IFT43: variants seen among roughly 807,000 people sequenced by gnomAD.
IFT43 encodes the protein intraflagellar transport 43, also known as intraflagellar transport protein 43 homolog.
In IFT43, 33 loss-of-function variants were observed where a neutral mutation model predicts 32.3. The observed-to-expected ratio is 1.02, with a 90% CI of 0.77 to 1.37. IFT43 has a LOEUF of 1.37. IFT43 is among the 40% of genes most tolerant of loss of function. The pLI is 0.00. For synonymous variants in IFT43, 93 were observed against 98.2 expected (o/e 0.95, Z 0.31); for missense variants, 274 against 265.9 (o/e 1.03, Z -0.21).
At chr14:76,045,310 T>C (rs1295216909) in intron 3 of IFT43, among the ~76,000 whole-genome samples, 1 of 152,228 alleles carries the variant, frequency 6.6e-6, no homozygotes, top group Admixed American at 6.5e-5. Context: ...CTTAGAATTC[T>C]TCTCCTCCTG....
At chr14:76,035,777 T>C (rs1464898930) in intron 3 of IFT43, among the ~76,000 whole-genome samples, 1 of 152,248 alleles carries the variant, frequency 6.6e-6, no homozygotes, top group African/African-American at 2.4e-5. Flanking sequence ...TGCCATGTGC[T>C]GCACTGTGGG....
At chr14:76,074,109 C>T (rs999743919) in intron 5 of IFT43, among the ~76,000 whole-genome samples, 2 of 151,982 alleles carry the variant, frequency 1.3e-5, no homozygotes, top group African/African-American at 4.8e-5. Flanking sequence ...AGAATAAAAG[C>T]AGTGTAGTTT....
At chr14:76,047,900 G>C (rs1199644109) in intron 3 of IFT43, among the ~76,000 whole-genome samples, 1 of 152,150 alleles carries the variant, frequency 6.6e-6, no homozygotes, top group Non-Finnish European at 1.5e-5. Flanking sequence ...CCAGAATCAA[G>C]GGGAGGCAGG....
At chr14:76,034,461 A>T (rs140720452) in intron 3 of IFT43, among the ~76,000 whole-genome samples, 2 of 152,292 alleles carry the variant, frequency 1.3e-5, no homozygotes, top group African/African-American at 4.8e-5. Flanking sequence ...TTTTGGGGAG[A>T]CACAAATATT....
chr14:76,044,660 C>A lies in IFT43; in HGVS notation c.216-13982C>A, dbSNP rs190681575. On this transcript the variant is annotated intron_variant, in intron 3 of 8. Coordinates refer to ENST00000314067, the MANE Select transcript of IFT43 (RefSeq NM_001102564.3). The stretch of plus-strand genomic sequence containing the variant: ...TCCTGAGACCATCCAGGAGTCCCCC[C>A]ATTCATCTATCTCCCATCAGTCATT... Among the ~76,000 whole-genome samples, 647 of 152,304 alleles carry A rather than the reference C, an allele frequency of 4.2e-3. 17 individuals carry two copies. The highest frequency in any genetic ancestry group is 0.035 in the Admixed American group (537 of 15,294).
chr14:76,071,708 A>G (rs1350032196), intron 5 of IFT43, among the ~76,000 whole-genome samples: 2 of 152,240 alleles, frequency 1.3e-5, no homozygotes, highest in Non-Finnish European at 2.9e-5. Context: ...GTGAGTTTTG[A>G]GTATTTATTA....
intron 3 of IFT43, among the ~76,000 whole-genome samples, chr14:76,055,681 G>A (rs886409831): frequency 3.9e-5 from 6 of 152,196 alleles, no homozygotes; most frequent in Admixed American, 2.6e-4. Flanking sequence ...AAGTAAATCT[G>A]TGAAATGGGG....
At chr14:76,007,510 C>T (rs1470825788) in intron 2 of IFT43, among the ~76,000 whole-genome samples, 4 of 152,126 alleles carry the variant, frequency 2.6e-5, no homozygotes, top group Non-Finnish European at 5.9e-5. Context: ...CAGCTTGTTC[C>T]AAGTCATTCC....
In IFT43 at chr14:76,081,933, T is replaced by C. The variant is rs115173619; in HGVS notation, c.296-362T>C. Among the ~76,000 whole-genome samples, 570 of 152,368 alleles carry C rather than the reference T, an allele frequency of 3.7e-3. 1 individual carries two copies. Among genetic ancestry groups the C allele is most frequent in the African/African-American group, 0.012 (518 of 41,590 alleles). On this transcript the variant is annotated intron_variant, in intron 5 of 8. Transcript: ENST00000314067. The stretch of plus-strand genomic sequence containing the variant: ...GCCAGGCTCACTTGTCAGTTCCTCT[T>C]CTTTCCTCTAATAAGCCCTTTGTTA...
At chr14:76,021,364 A>T (rs549605486) in intron 2 of IFT43, among the ~76,000 whole-genome samples, 1 of 152,258 alleles carries the variant, frequency 6.6e-6, no homozygotes, top group South Asian at 2.1e-4. Context: ...TTATTTTATT[A>T]CTTTTCGGTT....
chr14:76,020,671 G>C (rs1040497246), intron 2 of IFT43, among the ~76,000 whole-genome samples: 1 of 152,196 alleles, frequency 6.6e-6, no homozygotes, highest in African/African-American at 2.4e-5. Flanking sequence ...TTAGGCTATA[G>C]TTGTTATTGG....
chr14:76,019,434 G>A (rs774038478), intron 2 of IFT43, among the ~76,000 whole-genome samples: 14 of 150,474 alleles, frequency 9.3e-5, no homozygotes, highest in East Asian at 2.0e-4. Flanking sequence ...TTCCTGGCCC[G>A]TAAGGTTTCT....
At chr14:75,994,032 T>G (rs8008180) in intron 2 of IFT43, among the ~76,000 whole-genome samples, 2,974 of 152,040 alleles carry the variant, frequency 0.02, 90 homozygotes, top group African/African-American at 0.064. Flanking sequence ...GGGAGGTGAG[T>G]AGAATGGCTC....
chr14:76,075,669 C>T (rs1294400516), intron 5 of IFT43, among the ~76,000 whole-genome samples: 3 of 152,158 alleles, frequency 2.0e-5, no homozygotes, highest in South Asian at 4.1e-4. Flanking sequence ...GACATAGTGT[C>T]GCAGCAGCTC....
At chr14:76,055,314 C>T (rs2036991298) in intron 3 of IFT43, among the ~76,000 whole-genome samples, 1 of 151,098 alleles carries the variant, frequency 6.6e-6, no homozygotes, top group South Asian at 2.1e-4. Flanking sequence ...ACACTGCACT[C>T]CACTCTGGGC....
intron 1 of IFT43, among the ~76,000 whole-genome samples, chr14:75,988,536 T>G (rs574384596): frequency 2.0e-5 from 3 of 152,172 alleles, no homozygotes; most frequent in Admixed American, 6.5e-5. Flanking sequence ...TGTTTTGTTT[T>G]GAGATGGAGT....
At chr14:76,014,132 G>T in intron 2 of IFT43, 2 of 274,090 alleles carry the variant, frequency 7.3e-6, no homozygotes, top group South Asian at 1.2e-4. Flanking sequence ...GAGGAAAAGC[G>T]ACCCATGGAC....
At chr14:76,077,247 A>C (rs1251539352) in intron 5 of IFT43, among the ~76,000 whole-genome samples, 4 of 152,174 alleles carry the variant, frequency 2.6e-5, no homozygotes, top group African/African-American at 7.2e-5. Flanking sequence ...GCAGCTCTGA[A>C]GGAAGCCAAA....
At chr14:76,054,305 T>C (rs1225633512) in intron 3 of IFT43, among the ~76,000 whole-genome samples, 3 of 152,138 alleles carry the variant, frequency 2.0e-5, no homozygotes, top group Non-Finnish European at 4.4e-5. Flanking sequence ...GTGCCTTCCA[T>C]AAGGAGAGGA....
Sources: gnomAD v4.1 joint callset for allele counts (sites outside exome capture counted in the v4.1 genomes callset) on GRCh38, gnomAD v4.1.1 for gene constraint, MANE v1.5 for transcripts, NCBI Gene and HGNC (gene_info 2026-07-23, HGNC 2026-07-21) for gene names.